The following PPP2R2B variants were observed in gnomAD, a reference collection of about 807,000 sequenced individuals.
The protein encoded by PPP2R2B is serine/threonine-protein phosphatase 2A 55 kDa regulatory subunit B beta isoform.
In PPP2R2B, 5 loss-of-function variants were observed where a neutral mutation model predicts 46.0. The ratio of observed to expected loss-of-function variants is 0.11; its 90% CI spans 0.06 to 0.23. The LOEUF is 0.23. PPP2R2B is among the 10% of genes least tolerant of loss of function. The pLI, the probability that PPP2R2B is intolerant of heterozygous loss-of-function variation, is 1.00. For missense variants in PPP2R2B, 367 were observed against 575.0 expected (o/e 0.64, Z 3.70); for synonymous variants, 215 against 206.7 (o/e 1.04, Z -0.34).
intron 2 of PPP2R2B, 159 bp from the exon 3 acceptor site, chr5:146,701,301 G>C: frequency 5.1e-6 from 4 of 781,000 alleles, no homozygotes; most frequent in Non-Finnish European, 9.2e-6. Flanking sequence ...GCCACCAGAA[G>C]TGGCACTTGG....
chr5:146,822,103 T>C (rs1436117637), intron 2 of PPP2R2B, among the ~76,000 whole-genome samples: 1 of 152,224 alleles, frequency 6.6e-6, no homozygotes, highest in Admixed American at 6.5e-5. Context: ...CTTTGTACTA[T>C]GCTGTGTAGT....
intron 2 of PPP2R2B, among the ~76,000 whole-genome samples, chr5:146,745,480 G>A (rs1753132957): frequency 6.6e-6 from 1 of 152,194 alleles, no homozygotes; most frequent in African/African-American, 2.4e-5. Flanking sequence ...AAAGACGAAT[G>A]TTAGTTATTG....
chr5:146,788,447 C>T (rs563553360), intron 2 of PPP2R2B, among the ~76,000 whole-genome samples: 14 of 152,004 alleles, frequency 9.2e-5, no homozygotes, highest in South Asian at 2.1e-4. Context: ...TAAAAATCTA[C>T]GGTGGGGCTG....
intron 1 of PPP2R2B, among the ~76,000 whole-genome samples, chr5:146,967,503 C>A (rs1339302300): frequency 1.3e-5 from 2 of 152,154 alleles, no homozygotes; most frequent in African/African-American, 4.8e-5. Flanking sequence ...CCCATGGTTA[C>A]CTGGATTCTA....
chr5:146,666,822 A>G (rs941681401), intron 5 of PPP2R2B, among the ~76,000 whole-genome samples: 3 of 152,234 alleles, frequency 2.0e-5, no homozygotes, highest in Non-Finnish European at 2.9e-5. Context: ...CTGTATGTTA[A>G]AACAGACTTC....
At chr5:146,812,294 A>C (rs1480392302) in intron 2 of PPP2R2B, among the ~76,000 whole-genome samples, 1 of 150,796 alleles carries the variant, frequency 6.6e-6, no homozygotes, top group Admixed American at 6.6e-5. Context: ...ATTTGCCTCA[A>C]AATAACAAAG....
intron 9 of PPP2R2B, among the ~76,000 whole-genome samples, chr5:146,590,696 A>G (rs1313800553): frequency 6.6e-6 from 1 of 152,128 alleles, no homozygotes; most frequent in Non-Finnish European, 1.5e-5. Flanking sequence ...CTGGCCTCTA[A>G]GGCTTCATGG....
At chr5:146,867,490 A>G (rs1761378757) in intron 2 of PPP2R2B, among the ~76,000 whole-genome samples, 1 of 152,102 alleles carries the variant, frequency 6.6e-6, no homozygotes, top group Non-Finnish European at 1.5e-5. Flanking sequence ...GTAGAGAGGG[A>G]ATCTTTTGTA....
In PPP2R2B at chr5:146,925,196, T is replaced by G. The variant is rs76639694; in HGVS notation, c.79+130469A>C. Among the ~76,000 whole-genome samples the G allele has an allele frequency of 5.6e-3, 856 of 152,268 alleles. 28 individuals carry two copies. In the East Asian group the frequency reaches 0.067, roughly 12 times the overall value. The stretch of plus-strand genomic sequence containing the variant: ...TTGGGAAAAAGGAGAAAAAATATAT[T>G]TTATGGAATCTTTTATACTAACATA... On this transcript the variant is annotated intron_variant, in intron 1 of 8. Transcript: ENST00000336640.
At chr5:146,784,023 G>C (rs1295980629) in intron 2 of PPP2R2B, among the ~76,000 whole-genome samples, 1 of 152,156 alleles carries the variant, frequency 6.6e-6, no homozygotes, top group Admixed American at 6.5e-5. Flanking sequence ...GGAAGCAGAA[G>C]CACCGAAATA....
intron 1 of PPP2R2B, among the ~76,000 whole-genome samples, chr5:147,013,925 AACTACC>A (rs1443215335): frequency 6.7e-6 from 1 of 148,554 alleles, no homozygotes; most frequent in African/African-American, 2.5e-5. Context: ...CAGCAAAAGA[AACTACC>A]ATCAGAATGA....
intron 2 of PPP2R2B, among the ~76,000 whole-genome samples, chr5:146,721,488 T>G (rs766369732): frequency 3.3e-5 from 5 of 152,226 alleles, no homozygotes; most frequent in Non-Finnish European, 7.3e-5. Context: ...GGTAGGATTC[T>G]CTTTGATTTG....
intron 6 of PPP2R2B, 98 bp downstream of exon 6, chr5:146,650,449 T>C: frequency 9.0e-7 from 1 of 1,108,344 alleles, no homozygotes; most frequent in African/African-American, 1.6e-5. Context: ...CCGCAAATGC[T>C]AGGTGTTGCA....
At chr5:146,676,763 T>C (rs1210751618) in intron 5 of PPP2R2B, among the ~76,000 whole-genome samples, 1 of 152,144 alleles carries the variant, frequency 6.6e-6, no homozygotes, top group Non-Finnish European at 1.5e-5. Context: ...CTTCTATAAC[T>C]CCAGGACTAA....
chr5:146,749,800 G>A (rs1005599708), intron 2 of PPP2R2B, among the ~76,000 whole-genome samples: 2 of 151,776 alleles, frequency 1.3e-5, no homozygotes, highest in African/African-American at 2.4e-5. Flanking sequence ...GGGTTTCACC[G>A]TGTTAGCCAG....
chr5:146,988,333 A>T (rs879677384), intron 1 of PPP2R2B, among the ~76,000 whole-genome samples: 1 of 152,026 alleles, frequency 6.6e-6, no homozygotes, highest in Non-Finnish European at 1.5e-5. Flanking sequence ...TCAACAGCAC[A>T]TGGAACATTG....
intron 2 of PPP2R2B, among the ~76,000 whole-genome samples, chr5:146,728,316 G>C (rs745483006): frequency 3.9e-5 from 6 of 151,900 alleles, no homozygotes; most frequent in Non-Finnish European, 8.8e-5. Context: ...CCTATAAACA[G>C]AATATTTTTA....
At position 147,042,222 on chromosome 5, in the gene PPP2R2B, AC is replaced by A. The variant is rs542778772; in HGVS notation, c.79+13442del. ...ACTTCTGTAAAATTGTTTTAACTAG[AC>A]CCCCCCCTCCCCTTTCTAAACCAAA... On this transcript the variant is annotated intron_variant, in intron 1 of 8. Coordinates refer to the PPP2R2B transcript ENST00000336640. Among the ~76,000 whole-genome samples, 107 of 149,540 alleles carry A rather than the reference AC, an allele frequency of 7.2e-4. 1 individual carries two copies. Among genetic ancestry groups the A allele is most frequent in the African/African-American group, 2.3e-3 (95 of 40,548 alleles).
intron 2 of PPP2R2B, among the ~76,000 whole-genome samples, chr5:146,815,214 A>G (rs1321587418): frequency 6.6e-6 from 1 of 152,190 alleles, no homozygotes; most frequent in African/African-American, 2.4e-5. Flanking sequence ...TGTGAACTGG[A>G]TTATGAAAGT....
Sources: allele counts gnomAD v4.1 joint callset (sites outside exome capture counted in the v4.1 genomes callset), GRCh38; gene constraint gnomAD v4.1.1; transcripts MANE v1.5; gene names NCBI Gene and HGNC (gene_info 2026-07-23, HGNC 2026-07-21).